STXBP5: variants seen among roughly 807,000 people sequenced by gnomAD.
STXBP5 encodes the protein syntaxin binding protein 5.
Under a neutral mutation model 152.4 loss-of-function variants are expected in STXBP5, and 50 were observed. That is an observed-to-expected ratio of 0.33 (90% CI 0.26 to 0.42). STXBP5 has a LOEUF of 0.42. Among genes scored for constraint, STXBP5 ranks in the 10% least tolerant of loss-of-function variants. The pLI is 1.00. For synonymous variants in STXBP5, 492 were observed against 494.7 expected (o/e 0.99, Z 0.07); for missense variants, 1,167 against 1,388.6 (o/e 0.84, Z 2.54).
chr6:147,289,009 C>T (rs1781136848), intron 8 of STXBP5, among the ~76,000 whole-genome samples: 1 of 152,130 alleles, frequency 6.6e-6, no homozygotes, highest in South Asian at 2.1e-4. Flanking sequence ...CTCTGTTTTC[C>T]AGTGGAGTGC....
intron 5 of STXBP5, among the ~76,000 whole-genome samples, chr6:147,261,347 ACT>A (rs1306669913): frequency 6.6e-6 from 1 of 151,776 alleles, no homozygotes; most frequent in African/African-American, 2.4e-5. Flanking sequence ...TTTAGTGCTA[ACT>A]CTTCACTCTG....
intron 8 of STXBP5, among the ~76,000 whole-genome samples, chr6:147,279,169 T>C (rs1258803684): frequency 6.6e-6 from 1 of 152,210 alleles, no homozygotes; most frequent in Non-Finnish European, 1.5e-5. Context: ...TGTTAACTAT[T>C]TTCTGCATAA....
intron 4 of STXBP5, among the ~76,000 whole-genome samples, chr6:147,255,051 A>T (rs539683316): frequency 7.2e-5 from 11 of 152,352 alleles, no homozygotes; most frequent in Admixed American, 7.2e-4. Flanking sequence ...ACAATAGTAA[A>T]GACGTGGAAC....
At chr6:147,317,825 T>A (rs1782718598) in intron 16 of STXBP5, among the ~76,000 whole-genome samples, 1 of 152,224 alleles carries the variant, frequency 6.6e-6, no homozygotes, top group African/African-American at 2.4e-5. Flanking sequence ...AATACTACTT[T>A]ATACTTAAAA....
At chr6:147,292,005 C>G (rs1554294127) in intron 9 of STXBP5, among the ~76,000 whole-genome samples, 1 of 152,142 alleles carries the variant, frequency 6.6e-6, no homozygotes, top group Non-Finnish European at 1.5e-5. Context: ...TCTACTGAAT[C>G]AAAAACTCTA....
chr6:147,243,374 T>C (rs1263252383), intron 4 of STXBP5, among the ~76,000 whole-genome samples: 1 of 152,220 alleles, frequency 6.6e-6, no homozygotes, highest in Non-Finnish European at 1.5e-5. Flanking sequence ...CTTCTTTGTT[T>C]CATGTGCTGC....
chr6:147,227,268 T>A (rs1777766359), intron 2 of STXBP5, among the ~76,000 whole-genome samples: 1 of 152,132 alleles, frequency 6.6e-6, no homozygotes, highest in South Asian at 2.1e-4. Context: ...AGAAACACTC[T>A]AAAGGTAACC....
intron 9 of STXBP5, among the ~76,000 whole-genome samples, chr6:147,296,102 C>A (rs1401009236): frequency 6.6e-6 from 1 of 152,120 alleles, no homozygotes; most frequent in African/African-American, 2.4e-5. Context: ...AGGGAGGCAG[C>A]CCTGGGCTGC....
In STXBP5 at chr6:147,244,272, A is replaced by G. The variant is rs114174558; in HGVS notation, c.431+5002A>G. ...TTTCTGTAACCAATCCCTCACAGATATGGAGGGATGACTGATTGACTTGAT... is the reference window on the plus strand; with the variant it reads ...TTTCTGTAACCAATCCCTCACAGATGTGGAGGGATGACTGATTGACTTGAT... On this transcript the variant is annotated intron_variant, in intron 4 of 27. Coordinates refer to ENST00000321680, the MANE Select transcript of STXBP5 (RefSeq NM_001127715.4). Among the ~76,000 whole-genome samples the G allele has an allele frequency of 8.1e-3, 1,240 of 152,280 alleles. 20 individuals carry two copies. The highest frequency in any genetic ancestry group is 0.029 in the African/African-American group (1,190 of 41,562).
At chr6:147,310,529 GTGATTGATTGAT>G (rs5880703) in intron 10 of STXBP5, among the ~76,000 whole-genome samples, 18 of 150,226 alleles carry the variant, frequency 1.2e-4, no homozygotes, top group East Asian at 9.9e-4. Context: ...AGGAGAGAAA[GTGATTGATTGAT>G]TGATTGATTG....
intron 10 of STXBP5, 102 bp downstream of exon 10, chr6:147,310,340 T>A: frequency 1.1e-6 from 1 of 944,978 alleles, no homozygotes; most frequent in Non-Finnish European, 1.4e-6. Context: ...CCTATTGTGC[T>A]AATTCTTCTG....
intron 21 of STXBP5, among the ~76,000 whole-genome samples, chr6:147,352,626 G>C (rs905223488): frequency 6.6e-6 from 1 of 151,818 alleles, no homozygotes; most frequent in African/African-American, 2.4e-5. Flanking sequence ...AAAAAAAGAA[G>C]AATGAACCCA....
intron 6 of STXBP5, 67 bp downstream of exon 6, chr6:147,262,420 A>G (rs529036654): frequency 2.1e-6 from 2 of 942,836 alleles, no homozygotes; most frequent in South Asian, 3.4e-5. Context: ...TAAACATGCT[A>G]TTTCAGGATC....
intron 2 of STXBP5, among the ~76,000 whole-genome samples, chr6:147,233,221 C>G (rs1436546998): frequency 2.0e-5 from 3 of 151,708 alleles, no homozygotes; most frequent in African/African-American, 7.2e-5. Context: ...AATTTCCCTC[C>G]TGATTTGGTG....
rs576796211 is a variant in STXBP5 at position 147,266,822 on chromosome 6, G to T, written c.631-262G>T. Among the ~76,000 whole-genome samples, 14 of 152,168 alleles carry T rather than the reference G, an allele frequency of 9.2e-5. No individual in the cohort carries two copies. The East Asian group carries it at 2.7e-3, about 29-fold the overall frequency. On this transcript the variant is annotated intron_variant, in intron 6 of 27. Transcript: ENST00000321680. ...ACTTGAAAATACATACAAAAGTTTT[G>T]AAAAGACTTCAAAATGGTACTGTTT...
chr6:147,232,352 A>G (rs946585186), intron 2 of STXBP5, among the ~76,000 whole-genome samples: 1 of 151,858 alleles, frequency 6.6e-6, no homozygotes, highest in Non-Finnish European at 1.5e-5. Flanking sequence ...CAGAATTCTG[A>G]TAAACTACCA....
In STXBP5 at chr6:147,377,157, T is replaced by C. The variant is rs1048863242; in HGVS notation, c.3193+3315T>C. 6.6e-5 allele frequency among the ~76,000 whole-genome samples: 10 copies of C among 152,304 alleles called. 1 individual carries two copies. The East Asian group carries it at 1.9e-3, about 29-fold the overall frequency. On this transcript the variant is annotated intron_variant, in intron 26 of 27. Coordinates refer to ENST00000321680, the MANE Select transcript of STXBP5 (RefSeq NM_001127715.4). ...AATAACTTTAGTGTATACAGTTTGA[T>C]CACAGTGCAGTTATGCTTGTAATCA...
At chr6:147,229,546 C>T (rs558200029) in intron 2 of STXBP5, among the ~76,000 whole-genome samples, 1 of 151,930 alleles carries the variant, frequency 6.6e-6, no homozygotes, top group South Asian at 2.1e-4. Context: ...GGGTTTCTTT[C>T]AGCAGTACTT....
At chr6:147,326,069 T>G (rs1349182386) in intron 17 of STXBP5, among the ~76,000 whole-genome samples, 1 of 152,212 alleles carries the variant, frequency 6.6e-6, no homozygotes, top group Non-Finnish European at 1.5e-5. Flanking sequence ...CCGCAGATTT[T>G]AGTATCTGTG....
Sources: allele counts gnomAD v4.1 joint callset (sites outside exome capture counted in the v4.1 genomes callset), GRCh38; gene constraint gnomAD v4.1.1; transcripts MANE v1.5; gene names NCBI Gene and HGNC (gene_info 2026-07-23, HGNC 2026-07-21).